NFYC: variants seen among roughly 807,000 people sequenced by gnomAD.
NFYC encodes the protein CAAT box DNA-binding protein subunit C.
Under a neutral mutation model 53.1 loss-of-function variants are expected in NFYC, and 25 were observed. That is an observed-to-expected ratio of 0.47 (90% CI 0.34 to 0.66). The LOEUF (loss-of-function observed/expected upper bound fraction) is 0.66, where lower values mean the gene tolerates loss of function less well. Among genes scored for constraint, NFYC ranks in the 30% least tolerant of loss-of-function variants. The pLI, the probability that NFYC is intolerant of heterozygous loss-of-function variation, is 0.01. For missense variants in NFYC, 260 were observed against 422.7 expected, an observed-to-expected ratio of 0.62 and a Z score of 3.38; for synonymous variants, 145 against 152.6, an observed-to-expected ratio of 0.95 and a Z score of 0.37.
chr1:40,767,760 C>T (rs971455356), intron 8 of NFYC, among the ~76,000 whole-genome samples: 1 of 152,058 alleles, frequency 6.6e-6, no homozygotes, highest in Non-Finnish European at 1.5e-5. Flanking sequence ...CAGGTGATCA[C>T]ATGAGGTCGG....
intron 6 of NFYC, 98 bp from the exon 7 acceptor site, chr1:40,762,790 G>A (rs1398215311): frequency 6.0e-6 from 7 of 1,175,004 alleles, no homozygotes; most frequent in African/African-American, 1.6e-5. Context: ...TTCATGGAGA[G>A]GGTTTGCTCC....
At chr1:40,716,917 T>G (rs1185232578) in intron 1 of NFYC, among the ~76,000 whole-genome samples, 1 of 148,904 alleles carries the variant, frequency 6.7e-6, no homozygotes, top group East Asian at 1.9e-4. Context: ...TTCTATCCAG[T>G]CTGGGTGACT....
chr1:40,733,577 T>C (rs1644876699), intron 1 of NFYC, among the ~76,000 whole-genome samples: 1 of 151,572 alleles, frequency 6.6e-6, no homozygotes, highest in Non-Finnish European at 1.5e-5. Context: ...TTTATTATTA[T>C]AATTTTTTTG....
intron 2 of NFYC, among the ~76,000 whole-genome samples, chr1:40,740,717 C>A (rs1645291857): frequency 6.6e-6 from 1 of 152,116 alleles, no homozygotes; most frequent in Admixed American, 6.6e-5. Context: ...GGGGGTTAAT[C>A]TCATGATTAA....
intron 1 of NFYC, among the ~76,000 whole-genome samples, chr1:40,734,563 G>A (rs1644929476): frequency 6.6e-6 from 1 of 151,832 alleles, no homozygotes; most frequent in Non-Finnish European, 1.5e-5. Flanking sequence ...GTTTCACCAT[G>A]TTGGCCAGGC....
At chr1:40,735,452 T>G (rs1277046063) in intron 1 of NFYC, 3 of 269,010 alleles carry the variant, frequency 1.1e-5, no homozygotes, top group Non-Finnish European at 1.7e-5. Context: ...TGATCATGCC[T>G]GCACATCTGT....
Position 40,747,568 on chromosome 1 carries a change from G to A in NFYC, c.140G>A (p.Arg47His). 3 of 1,613,246 alleles carry A rather than the reference G, an allele frequency of 1.9e-6. No homozygotes were observed. The highest frequency in any genetic ancestry group is 1.7e-6 in the Non-Finnish European group (2 of 1,179,382). Reference protein sequence around the residue: ...DFRVQELPLARIKKIMKLDED... With the variant: ...DFRVQELPLAHIKKIMKLDED... ...CGAGTGCAGGAACTCCCACTGGCTCGTATTAAGAAGATTATGAAACTGGAT... is the reference window on the plus strand; with the variant it reads ...CGAGTGCAGGAACTCCCACTGGCTCATATTAAGAAGATTATGAAACTGGAT... Residue 47 changes from arginine (R) to histidine (H), a missense_variant, in exon 3 of 10, where the codon CGT becomes CAT. Arg to His is a conservative substitution (Grantham distance 29). Transcript: ENST00000447388.
intron 1 of NFYC, 107 bp from the exon 2 acceptor site, chr1:40,738,729 G>T (rs1645184350): frequency 2.7e-6 from 2 of 742,856 alleles, no homozygotes; most frequent in Non-Finnish European, 4.5e-6. Flanking sequence ...CAAACTGAAA[G>T]ATTGAATAGA....
intron 1 of NFYC, among the ~76,000 whole-genome samples, chr1:40,695,117 T>C (rs1166606762): frequency 1.3e-5 from 2 of 152,050 alleles, no homozygotes. Flanking sequence ...TGGGCGCCTG[T>C]AATCCCAGCT....
chr1:40,766,479 G>C (rs1027264263), intron 7 of NFYC, 117 bp from the exon 8 acceptor site: 6 of 720,604 alleles, frequency 8.3e-6, no homozygotes, highest in East Asian at 5.4e-5. Flanking sequence ...TTCAGGGCAG[G>C]CTTCTTTGGA....
intron 1 of NFYC, among the ~76,000 whole-genome samples, chr1:40,727,922 T>C (rs1173510592): frequency 2.0e-5 from 3 of 152,102 alleles, no homozygotes; most frequent in African/African-American, 7.2e-5. Context: ...TCCCTGTCTA[T>C]GGCAGCTGTG....
Position 40,771,505 on chromosome 1 carries a change from C to G in NFYC, c.*677C>G, listed in dbSNP as rs1180903874. 2.2e-6 allele frequency: 1 copy of G among 459,112 alleles called. No individual in the cohort carries two copies. The highest frequency in any genetic ancestry group is 2.5e-5 in the Admixed American group (1 of 39,758). The allele number at this position is 459,112 out of a possible 1,614,324, so 28.4% of individuals were successfully genotyped here. A position where few individuals can be genotyped will look rare whatever the true frequency, so the allele number is the denominator to read the frequency against. On this transcript the variant is annotated 3_prime_UTR_variant, in exon 10 of 10. Coordinates refer to ENST00000447388, the MANE Select transcript of NFYC (RefSeq NM_014223.5). ...AACTAGGACTTTGTGTGTTTGCTGC[C>G]CACCTCCCTTTTATTTTTTAAATGC... is the stretch of plus-strand genomic sequence containing the variant.
At chr1:40,735,149 A>G (rs1354611924) in intron 1 of NFYC, 1 of 147,058 alleles carries the variant, frequency 6.8e-6, no homozygotes, top group Non-Finnish European at 1.5e-5. Flanking sequence ...CGAGCGTCTT[A>G]TGAAGGGGTG....
At chr1:40,734,695 T>C (rs762291110) in intron 1 of NFYC, among the ~76,000 whole-genome samples, 1 of 152,148 alleles carries the variant, frequency 6.6e-6, no homozygotes, top group Non-Finnish European at 1.5e-5. Context: ...GTTGGGTGTT[T>C]TTAAAGCTCC....
chr1:40,696,126 C>T (rs12035915), intron 1 of NFYC, among the ~76,000 whole-genome samples: 1 of 150,026 alleles, frequency 6.7e-6, no homozygotes, highest in Admixed American at 6.7e-5. Flanking sequence ...CAGGTTCAAG[C>T]GATTCTCTTG....
intron 1 of NFYC, among the ~76,000 whole-genome samples, chr1:40,729,634 G>A (rs949823243): frequency 2.8e-4 from 42 of 150,898 alleles, no homozygotes; most frequent in Middle Eastern, 3.5e-3. Flanking sequence ...CACAGCTTGG[G>A]TAAGTGTTTG....
At chr1:40,760,220 G>C (rs143171092) in intron 6 of NFYC, among the ~76,000 whole-genome samples, 290 of 152,278 alleles carry the variant, frequency 1.9e-3, no homozygotes, top group Middle Eastern at 3.4e-3. Flanking sequence ...GCCTCCCACA[G>C]TGGTGGGATG....
intron 1 of NFYC, among the ~76,000 whole-genome samples, chr1:40,734,189 C>G (rs900486017): frequency 2.0e-5 from 3 of 152,128 alleles, no homozygotes; most frequent in African/African-American, 7.2e-5. Context: ...CCTCCTCTTA[C>G]TTTTAAATAC....
intron 1 of NFYC, among the ~76,000 whole-genome samples, chr1:40,733,830 G>A (rs569717073): frequency 2.6e-5 from 4 of 151,840 alleles, no homozygotes; most frequent in Admixed American, 6.6e-5. Flanking sequence ...TGCAACCTCC[G>A]CTTCCCAGGT....
Sources: gnomAD v4.1 joint callset for allele counts (sites outside exome capture counted in the v4.1 genomes callset) on GRCh38, gnomAD v4.1.1 for gene constraint, MANE v1.5 for transcripts, NCBI Gene and HGNC (gene_info 2026-07-23, HGNC 2026-07-21) for gene names.